AKAP6: variants seen among roughly 807,000 people sequenced by gnomAD.
AKAP6 encodes A-kinase anchoring protein 6.
In AKAP6, 58 loss-of-function variants were observed where a neutral mutation model predicts 188.5. The ratio of observed to expected loss-of-function variants is 0.31; its 90% CI spans 0.25 to 0.38. The LOEUF is 0.38. AKAP6 is among the 10% of genes least tolerant of loss of function. The probability of loss-of-function intolerance (pLI) is 1.00; values close to 1 mark genes in which losing one functional copy is unlikely to be tolerated. For missense variants in AKAP6, 2,710 were observed against 2,740.0 expected, an observed-to-expected ratio of 0.99 and a Z score of 0.24; for synonymous variants, 989 against 998.6, an observed-to-expected ratio of 0.99 and a Z score of 0.18.
At chr14:32,653,766 C>T (rs924836963) in intron 7 of AKAP6, among the ~76,000 whole-genome samples, 7 of 152,064 alleles carry the variant, frequency 4.6e-5, no homozygotes, top group South Asian at 2.1e-4. Flanking sequence ...AGTTTGTATT[C>T]GTTCATTTGC....
intron 1 of AKAP6, among the ~76,000 whole-genome samples, chr14:32,381,683 A>G (rs1426745822): frequency 6.6e-6 from 1 of 152,154 alleles, no homozygotes; most frequent in East Asian, 1.9e-4. Context: ...GAAGAGATCA[A>G]CATCTTCTGC....
intron 2 of AKAP6, among the ~76,000 whole-genome samples, chr14:32,465,860 C>T (rs922429122): frequency 1.3e-5 from 2 of 152,112 alleles, no homozygotes; most frequent in East Asian, 3.8e-4. Context: ...CCAGAATCTA[C>T]AGGGAACTTA....
intron 5 of AKAP6, among the ~76,000 whole-genome samples, chr14:32,597,170 T>C (rs995881997): frequency 6.6e-6 from 1 of 152,190 alleles, no homozygotes; most frequent in African/African-American, 2.4e-5. Flanking sequence ...TCTATACTCT[T>C]GGCTTCAATT....
chr14:32,392,629 C>A (rs1178896727), intron 1 of AKAP6, among the ~76,000 whole-genome samples: 7 of 152,060 alleles, frequency 4.6e-5, no homozygotes, highest in Admixed American at 4.6e-4. Context: ...GATTCCAGGA[C>A]TGAGGCTGAG....
chr14:32,350,944 A>T (rs1313803318), intron 1 of AKAP6, among the ~76,000 whole-genome samples: 1 of 152,044 alleles, frequency 6.6e-6, no homozygotes, highest in African/African-American at 2.4e-5. Flanking sequence ...GTTTTCCCAG[A>T]TATTTTCTAT....
chr14:32,417,144 C>A (rs1020834775), intron 1 of AKAP6, among the ~76,000 whole-genome samples: 8 of 152,050 alleles, frequency 5.3e-5, no homozygotes, highest in Non-Finnish European at 8.8e-5. Context: ...TAATAAAAAA[C>A]GATATTATTT....
chr14:32,391,943 A>C (rs1888731068), intron 1 of AKAP6, among the ~76,000 whole-genome samples: 1 of 152,196 alleles, frequency 6.6e-6, no homozygotes, highest in Non-Finnish European at 1.5e-5. Context: ...AGAAGAGATG[A>C]AGTGGGAGTG....
chr14:32,737,255 T>C (rs1273806507), intron 11 of AKAP6, among the ~76,000 whole-genome samples: 1 of 152,152 alleles, frequency 6.6e-6, no homozygotes, highest in Non-Finnish European at 1.5e-5. Context: ...GGCACCTTTT[T>C]ATTGTTTTTA....
intron 9 of AKAP6, among the ~76,000 whole-genome samples, chr14:32,724,566 A>C (rs1478767762): frequency 6.6e-6 from 1 of 152,206 alleles, no homozygotes; most frequent in Non-Finnish European, 1.5e-5. Context: ...TTGAGAAGAT[A>C]ATAGGATTGA....
At chr14:32,715,717 C>A (rs2030156757) in intron 9 of AKAP6, among the ~76,000 whole-genome samples, 1 of 151,748 alleles carries the variant, frequency 6.6e-6, no homozygotes, top group Non-Finnish European at 1.5e-5. Context: ...AAATCAGTGA[C>A]AAACCATATA....
rs149158039 is a variant in AKAP6 at position 32,754,845 on chromosome 14, A to C, written c.3373-18833A>C. Among the ~76,000 whole-genome samples the C allele has an allele frequency of 8.9e-3, 1,352 of 152,268 alleles. 12 individuals carry two copies. Among genetic ancestry groups the C allele is most frequent in the African/African-American group, 0.031 (1,270 of 41,548 alleles). On this transcript the variant is annotated intron_variant, in intron 11 of 13. Coordinates refer to ENST00000280979, the MANE Select transcript of AKAP6 (RefSeq NM_004274.5). ...CTTCCCACTCTTTCCTGCCCCGCAA[A>C]GTTTCTGCTGAAAAATCTGCTGATA...
At chr14:32,750,456 T>C (rs577345632) in intron 11 of AKAP6, among the ~76,000 whole-genome samples, 3 of 152,244 alleles carry the variant, frequency 2.0e-5, no homozygotes, top group Admixed American at 1.3e-4. Flanking sequence ...GCTTGGAGGC[T>C]CATTCTTGTA....
chr14:32,682,710 GA>G (rs1248432706), intron 8 of AKAP6, among the ~76,000 whole-genome samples: 1 of 152,108 alleles, frequency 6.6e-6, no homozygotes, highest in African/African-American at 2.4e-5. Context: ...CTTTTAAGTA[GA>G]AAAAAGCCAG....
intron 9 of AKAP6, among the ~76,000 whole-genome samples, chr14:32,725,066 T>A (rs2139804402): frequency 6.8e-6 from 1 of 147,614 alleles, no homozygotes; most frequent in African/African-American, 2.5e-5. Context: ...CAGTGTGGGT[T>A]TTTATTTGGA....
At chr14:32,405,779 C>G (rs1889270760) in intron 1 of AKAP6, among the ~76,000 whole-genome samples, 1 of 152,118 alleles carries the variant, frequency 6.6e-6, no homozygotes, top group Non-Finnish European at 1.5e-5. Context: ...TCCTGCCACC[C>G]TGTGAAGAGG....
Position 32,545,907 on chromosome 14 carries a change from G to A in AKAP6, c.1254G>A (p.Lys418=), listed in dbSNP as rs368322682. 3.1e-6 allele frequency: 5 copies of A among 1,614,088 alleles called. No individual in the cohort carries two copies. In the African/African-American group the frequency reaches 5.3e-5, roughly 17 times the overall value. ...GAAAGAGGCAAATGGTTGATCTAAA[G>A]CCTGAGATGAGCAGAAGCACCCCTT... The part of the protein sequence containing the change: ...NGGKRQMVDL[K]PEMSRSTPSL... Residue 418 remains lysine, a synonymous_variant, in exon 4 of 14, where the codon AAG becomes AAA. Coordinates refer to ENST00000280979, the MANE Select transcript of AKAP6 (RefSeq NM_004274.5).
At chr14:32,758,487 A>G (rs1343191490) in intron 11 of AKAP6, among the ~76,000 whole-genome samples, 2 of 152,232 alleles carry the variant, frequency 1.3e-5, no homozygotes, top group East Asian at 3.8e-4. Context: ...TAATCCCAGC[A>G]CTTTGGGAGG....
intron 7 of AKAP6, among the ~76,000 whole-genome samples, chr14:32,663,889 AGG>A (rs1013699543): frequency 3.3e-5 from 5 of 152,022 alleles, no homozygotes; most frequent in Admixed American, 2.6e-4. Flanking sequence ...TTCCTACATA[AGG>A]GGGGGAAATA....
chr14:32,616,753 T>TA (rs952596215), intron 7 of AKAP6, among the ~76,000 whole-genome samples: 1 of 151,498 alleles, frequency 6.6e-6, no homozygotes, highest in South Asian at 2.1e-4. Flanking sequence ...TAAATAAAAC[T>TA]AAAAAAAAAT....
Sources: gnomAD v4.1 joint callset for allele counts (sites outside exome capture counted in the v4.1 genomes callset) on GRCh38, gnomAD v4.1.1 for gene constraint, MANE v1.5 for transcripts, NCBI Gene and HGNC (gene_info 2026-07-23, HGNC 2026-07-21) for gene names.